RUNX2: variants seen among roughly 807,000 people sequenced by gnomAD.
RUNX2 encodes the protein runt-related transcription factor 2.
A neutral mutation model predicts 51.7 loss-of-function variants in RUNX2; 10 were observed. The ratio of observed to expected loss-of-function variants is 0.19; its 90% CI spans 0.12 to 0.33. The LOEUF (loss-of-function observed/expected upper bound fraction) is 0.33. RUNX2 is among the 10% of genes least tolerant of loss of function. The pLI is 1.00. For missense variants in RUNX2, 562 were observed against 691.3 expected (o/e 0.81, Z 2.10); for synonymous variants, 276 against 273.6 (o/e 1.01, Z -0.09).
At chr6:45,509,373 A>C (rs987691025) in intron 6 of RUNX2, among the ~76,000 whole-genome samples, 1 of 152,218 alleles carries the variant, frequency 6.6e-6, no homozygotes, top group Non-Finnish European at 1.5e-5. Flanking sequence ...TAAGAGTGCC[A>C]GGTACCATAT....
chr6:45,506,366 G>T (rs187094709), intron 6 of RUNX2, among the ~76,000 whole-genome samples: 12 of 152,234 alleles, frequency 7.9e-5, no homozygotes, highest in Admixed American at 6.5e-4. Flanking sequence ...TTCCCTCTAA[G>T]ACCCCCTATT....
At position 45,545,418 on chromosome 6, in the gene RUNX2, T is replaced by C. The variant is rs1802368636; in HGVS notation, c.1087+136T>C. Reference sequence around the variant, plus strand: ...CACTTTTTATTACAAATGCACATCATGGCACTTAACCCTTGCATTTTGTGA... The same window carrying C: ...CACTTTTTATTACAAATGCACATCACGGCACTTAACCCTTGCATTTTGTGA... On this transcript the variant is annotated intron_variant, in intron 8 of 8. Transcript: ENST00000647337. 3.1e-6 allele frequency: 3 copies of C among 956,916 alleles called. No homozygotes were observed. In the Admixed American group the frequency reaches 8.2e-5, roughly 26 times the overall value. The allele number at this position is 956,916 out of a possible 1,614,324, so 59.3% of individuals were successfully genotyped here.
intron 5 of RUNX2, among the ~76,000 whole-genome samples, chr6:45,483,711 T>C (rs952635508): frequency 6.6e-6 from 1 of 152,136 alleles, no homozygotes; most frequent in Non-Finnish European, 1.5e-5. Flanking sequence ...ATCAAGGCTC[T>C]CGAGACAGGA....
intron 2 of RUNX2, among the ~76,000 whole-genome samples, chr6:45,372,738 A>C (rs1210520758): frequency 6.6e-6 from 1 of 152,054 alleles, no homozygotes; most frequent in Non-Finnish European, 1.5e-5. Flanking sequence ...AGCTCAGTGC[A>C]ATCTCCACCT....
At chr6:45,384,487 G>A (rs141413491) in intron 2 of RUNX2, among the ~76,000 whole-genome samples, 7 of 152,110 alleles carry the variant, frequency 4.6e-5, no homozygotes, top group African/African-American at 1.4e-4. Context: ...ATTTTGTTAT[G>A]TTGGCAAGGC....
chr6:45,328,689 G>A lies in RUNX2; in HGVS notation c.-38G>A. ...AAGGCTGCAAGCAGTATTTACAACA[G>A]AGGGTACAAGTTCTATCTGAAAAAA... On this transcript the variant is annotated 5_prime_UTR_variant, in exon 2 of 9. Transcript: ENST00000647337. 7 of 1,611,752 alleles carry A rather than the reference G, an allele frequency of 4.3e-6. No individual in the cohort carries two copies. Among genetic ancestry groups the A allele is most frequent in the Non-Finnish European group, 5.9e-6 (7 of 1,178,410 alleles).
chr6:45,404,463 C>T (rs1054415422), intron 2 of RUNX2, among the ~76,000 whole-genome samples: 2 of 152,138 alleles, frequency 1.3e-5, no homozygotes, highest in African/African-American at 4.8e-5. Flanking sequence ...GCTTCTTCTC[C>T]TCCCCATTTA....
chr6:45,545,350 C>T, intron 8 of RUNX2, 68 bp downstream of exon 8: 2 of 1,492,850 alleles, frequency 1.3e-6, no homozygotes, highest in Non-Finnish European at 1.8e-6. Flanking sequence ...TTGTTACTGT[C>T]CGATTTGTGA....
chr6:45,403,229 C>CTTTTT (rs201142802), intron 2 of RUNX2, among the ~76,000 whole-genome samples: 89 of 108,776 alleles, frequency 8.2e-4, no homozygotes, highest in Non-Finnish European at 1.2e-3. Context: ...GTTTGAGTTT[C>CTTTTT]TTTTTTTTTT....
At chr6:45,334,720 C>T (rs1343649458) in intron 2 of RUNX2, among the ~76,000 whole-genome samples, 1 of 150,912 alleles carries the variant, frequency 6.6e-6, no homozygotes, top group Non-Finnish European at 1.5e-5. Flanking sequence ...AATGCATTCA[C>T]ACCAATGACT....
intron 3 of RUNX2, among the ~76,000 whole-genome samples, chr6:45,424,647 C>G (rs1477849726): frequency 2.0e-5 from 3 of 152,146 alleles, no homozygotes; most frequent in Admixed American, 2.0e-4. Context: ...TCACCCCCAC[C>G]CCACGCACCA....
At chr6:45,462,604 T>C (rs1386791564) in intron 5 of RUNX2, among the ~76,000 whole-genome samples, 1 of 152,254 alleles carries the variant, frequency 6.6e-6, no homozygotes, top group African/African-American at 2.4e-5. Flanking sequence ...GGTGACAATA[T>C]GCCACTATTC....
chr6:45,435,131 C>T (rs1300285799), intron 4 of RUNX2, among the ~76,000 whole-genome samples: 1 of 152,118 alleles, frequency 6.6e-6, no homozygotes. Context: ...CCCCCAAACC[C>T]ATCTCTTTTT....
chr6:45,546,012 G>A (rs762740284), intron 8 of RUNX2, among the ~76,000 whole-genome samples: 1 of 152,144 alleles, frequency 6.6e-6, no homozygotes, highest in Non-Finnish European at 1.5e-5. Context: ...CCTGGGAGAC[G>A]GGTGGGGAGT....
chr6:45,333,131 AAAG>A (rs1414072508), intron 2 of RUNX2, among the ~76,000 whole-genome samples: 1 of 151,788 alleles, frequency 6.6e-6, no homozygotes. Context: ...CAAATCTTTA[AAAG>A]AAGTCTCACA....
intron 6 of RUNX2, among the ~76,000 whole-genome samples, chr6:45,507,762 A>G (rs1801017552): frequency 6.6e-6 from 1 of 152,228 alleles, no homozygotes; most frequent in Non-Finnish European, 1.5e-5. Context: ...ACACGGACAT[A>G]TATGCTCCAA....
chr6:45,494,759 A>T (rs1240662513), intron 6 of RUNX2, among the ~76,000 whole-genome samples: 2 of 152,234 alleles, frequency 1.3e-5, no homozygotes, highest in East Asian at 3.8e-4. Context: ...GCGAAAATGA[A>T]TTGAATAGGT....
chr6:45,478,044 T>C (rs1028774535), intron 5 of RUNX2, among the ~76,000 whole-genome samples: 15 of 152,128 alleles, frequency 9.9e-5, no homozygotes, highest in Admixed American at 8.5e-4. Flanking sequence ...TGGAATGTTA[T>C]CTTCTTCTGC....
At chr6:45,333,318 T>G (rs1477740339) in intron 2 of RUNX2, among the ~76,000 whole-genome samples, 1 of 151,616 alleles carries the variant, frequency 6.6e-6, no homozygotes, top group Non-Finnish European at 1.5e-5. Flanking sequence ...CAAGCTTTTG[T>G]CCATTCAACA....
Sources: gnomAD v4.1 joint callset for allele counts (sites outside exome capture counted in the v4.1 genomes callset) on GRCh38, gnomAD v4.1.1 for gene constraint, MANE v1.5 for transcripts, NCBI Gene and HGNC (gene_info 2026-07-23, HGNC 2026-07-21) for gene names.